The following NRIP3 variants were observed in gnomAD, a reference collection of about 807,000 sequenced individuals.
NRIP3 encodes the protein nuclear receptor-interacting protein 3.
A neutral mutation model predicts 29.0 loss-of-function variants in NRIP3; 31 were observed. That is an observed-to-expected ratio of 1.07 (90% CI 0.80 to 1.44). The LOEUF (loss-of-function observed/expected upper bound fraction) is 1.44. NRIP3 is among the 40% of genes most tolerant of loss of function. The pLI is 0.00. For synonymous variants in NRIP3, 131 were observed against 118.3 expected, an observed-to-expected ratio of 1.11 and a Z score of -0.70; for missense variants, 314 against 297.9, an observed-to-expected ratio of 1.05 and a Z score of -0.40.
At chr11:8,998,114 C>G (rs1854739736) in intron 1 of NRIP3, among the ~76,000 whole-genome samples, 1 of 152,162 alleles carries the variant, frequency 6.6e-6, no homozygotes, top group Admixed American at 6.5e-5. Flanking sequence ...ACTCCTGAGT[C>G]AAGCCCAGTA....
chr11:8,989,534 G>C (rs894650388), intron 1 of NRIP3, among the ~76,000 whole-genome samples: 2 of 152,206 alleles, frequency 1.3e-5, no homozygotes, highest in African/African-American at 4.8e-5. Flanking sequence ...TGCAGTCACA[G>C]CCATGACTCA....
At position 8,983,263 on chromosome 11, in the gene NRIP3, A is replaced by G; in HGVS notation, c.*282T>C. 1.9e-6 allele frequency: 1 copy of G among 523,728 alleles called. No homozygotes were observed. The allele number at this position is 523,728 out of a possible 1,614,324, so 32.4% of individuals were successfully genotyped here. ...TGACTAATAAAAGCAAATTCCTGGAAGAAGCAGAGAAATAGGCCACAAGTG... is the reference window on the plus strand; with the variant it reads ...TGACTAATAAAAGCAAATTCCTGGAGGAAGCAGAGAAATAGGCCACAAGTG... On this transcript the variant is annotated 3_prime_UTR_variant, in exon 7 of 7. Transcript: ENST00000309166.
chr11:8,982,674 A>C lies in NRIP3; in HGVS notation c.*871T>G, dbSNP rs1050843874. The C allele has an allele frequency of 4.6e-6, 1 of 219,492 alleles. No individual in the cohort carries two copies. Among genetic ancestry groups the C allele is most frequent in the African/African-American group, 2.4e-5 (1 of 42,542 alleles). The allele number at this position is 219,492 out of a possible 1,614,324, so 13.6% of individuals were successfully genotyped here. A position where few individuals can be genotyped will look rare whatever the true frequency, so the allele number is the denominator to read the frequency against. On this transcript the variant is annotated 3_prime_UTR_variant, in exon 7 of 7. Coordinates refer to ENST00000309166, the MANE Select transcript of NRIP3 (RefSeq NM_020645.3). ...GAGGTTCACAGTGAGAAACCATTTC[A>C]TTCATCTTTGTACGCTCGTTTTTAG...
At chr11:8,987,762 C>T (rs1190617448) in intron 2 of NRIP3, 132 bp from the exon 3 acceptor site, 7 of 716,738 alleles carry the variant, frequency 9.8e-6, no homozygotes, top group Middle Eastern at 7.4e-4. Context: ...GTTATAGTGT[C>T]CCATCTTTAC....
At chr11:8,992,152 C>A (rs1854613360) in intron 1 of NRIP3, among the ~76,000 whole-genome samples, 1 of 152,158 alleles carries the variant, frequency 6.6e-6, no homozygotes, top group African/African-American at 2.4e-5. Flanking sequence ...AATTAAAAGG[C>A]TGAGGAGTTA....
At chr11:8,989,644 G>C (rs1410403700) in intron 1 of NRIP3, among the ~76,000 whole-genome samples, 1 of 152,192 alleles carries the variant, frequency 6.6e-6, no homozygotes, top group Non-Finnish European at 1.5e-5. Context: ...GGAGGGAGAG[G>C]CACTTGTAAA....
chr11:8,986,373 G>A (rs1854523371), intron 3 of NRIP3, among the ~76,000 whole-genome samples: 1 of 152,168 alleles, frequency 6.6e-6, no homozygotes, highest in African/African-American at 2.4e-5. Context: ...ATATCAGCAA[G>A]GAATATCATG....
At chr11:8,988,082 CA>C in intron 2 of NRIP3, 35 bp downstream of exon 2, 7 of 1,607,294 alleles carry the variant, frequency 4.4e-6, no homozygotes, top group Non-Finnish European at 6.0e-6. Flanking sequence ...TCCTACTTTC[CA>C]GAAAACCCTG....
rs1028784260 is a variant in NRIP3 at position 8,983,764 on chromosome 11, T to C, written c.710+111A>G. On this transcript the variant is annotated intron_variant, in intron 6 of 6. Coordinates refer to ENST00000309166, the MANE Select transcript of NRIP3 (RefSeq NM_020645.3). ...GGGAAGGGTGGATTTGTAGTATAAT[T>C]GAAAGCCAAAGACAGGATACAACCC... 5.9e-6 allele frequency: 6 copies of C among 1,019,956 alleles called. No individual in the cohort carries two copies. The African/African-American group carries it at 7.9e-5, about 13-fold the overall frequency. 63.2% of individuals were successfully genotyped at this position (1,019,956 alleles called of 1,614,324 possible).
At chr11:8,984,295 T>G (rs1033346298) in intron 4 of NRIP3, among the ~76,000 whole-genome samples, 171 bp from the exon 5 acceptor site, 1 of 151,914 alleles carries the variant, frequency 6.6e-6, no homozygotes, top group African/African-American at 2.4e-5. Flanking sequence ...GGAGTTTCGC[T>G]CTTGTTGCCC....
rs79706780 is a variant in NRIP3, at chr11:8,981,636, G to A, written c.*1909C>T. 3.9e-3 allele frequency: 601 copies of A among 152,392 alleles called. 4 individuals carry two copies. The East Asian group carries it at 0.044, about 11-fold the overall frequency. The allele number at this position is 152,392 out of a possible 1,614,324, so 9.4% of individuals were successfully genotyped here. A position where few individuals can be genotyped will look rare whatever the true frequency, so the allele number is the denominator to read the frequency against. ...GCCAAAGTATTGCCATGAAAGGTAG[G>A]GAAGGAGCATGGAGAGGCCTCAGTG... On this transcript the variant is annotated 3_prime_UTR_variant, in exon 7 of 7. Transcript: ENST00000309166.
intron 3 of NRIP3, among the ~76,000 whole-genome samples, chr11:8,986,343 T>A (rs1854522859): frequency 1.3e-5 from 2 of 152,230 alleles, no homozygotes; most frequent in Admixed American, 1.3e-4. Flanking sequence ...AGTACTTATT[T>A]GGTAAGTGCA....
rs759725035 is a variant in NRIP3 at position 8,982,692 on chromosome 11, G to A, written c.*853C>T. ...CCATTTCATTCATCTTTGTACGCTCGTTTTTAGGCACCAAGATGAGGGCCT... is the reference window on the plus strand; with the variant it reads ...CCATTTCATTCATCTTTGTACGCTCATTTTTAGGCACCAAGATGAGGGCCT... On this transcript the variant is annotated 3_prime_UTR_variant, in exon 7 of 7. Transcript: ENST00000309166. 1.7e-5 allele frequency: 4 copies of A among 232,714 alleles called. No homozygotes were observed. The highest frequency in any genetic ancestry group is 5.4e-5 in the Admixed American group (1 of 18,382). 14.4% of individuals were successfully genotyped at this position (232,714 alleles called of 1,614,324 possible). A position where few individuals can be genotyped will look rare whatever the true frequency, so the allele number is the denominator to read the frequency against.
rs571153522 is a variant in NRIP3 at position 8,982,328 on chromosome 11, T to C, written c.*1217A>G. 1 of 152,594 alleles carries C rather than the reference T, an allele frequency of 6.6e-6. No homozygotes were observed. Among genetic ancestry groups the C allele is most frequent in the East Asian group, 1.9e-4 (1 of 5,192 alleles). 9.5% of individuals were successfully genotyped at this position (152,594 alleles called of 1,614,324 possible). On this transcript the variant is annotated 3_prime_UTR_variant, in exon 7 of 7. Coordinates refer to ENST00000309166, the MANE Select transcript of NRIP3 (RefSeq NM_020645.3). ...CTCTTTCCTTGTATCAGGACAGAACTGAACATCTCAATTCCCTGCCTGAAA... is the reference window on the plus strand; with the variant it reads ...CTCTTTCCTTGTATCAGGACAGAACCGAACATCTCAATTCCCTGCCTGAAA...
In NRIP3 at chr11:8,982,297, C is replaced by T. The variant is rs1179388060; in HGVS notation, c.*1248G>A. The T allele has an allele frequency of 2.0e-5, 3 of 152,272 alleles. No individual in the cohort carries two copies. The highest frequency in any genetic ancestry group is 7.2e-5 in the African/African-American group (3 of 41,456). 9.4% of individuals were successfully genotyped at this position (152,272 alleles called of 1,614,324 possible). A position where few individuals can be genotyped will look rare whatever the true frequency, so the allele number is the denominator to read the frequency against. ...TTGTCCTTAACATTGCCGGCTCCTG[C>T]TCTGCCTCTTTCCTTGTATCAGGAC... On this transcript the variant is annotated 3_prime_UTR_variant, in exon 7 of 7. Transcript: ENST00000309166.
chr11:8,991,045 T>C (rs906173856), intron 1 of NRIP3, among the ~76,000 whole-genome samples: 3 of 152,194 alleles, frequency 2.0e-5, no homozygotes, highest in African/African-American at 7.2e-5. Context: ...CTCACACCTG[T>C]AATCCCAGCA....
chr11:8,988,099 G>C lies in NRIP3; in HGVS notation c.339+19C>G. On this transcript the variant is annotated intron_variant, in intron 2 of 6. Transcript: ENST00000309166. The stretch of plus-strand genomic sequence containing the variant: ...CTACTTTCCAGAAAACCCTGGAAAA[G>C]CTGTTCTCAGAACATTACCTGGCAA... 6.2e-7 allele frequency: 1 copy of C among 1,611,870 alleles called. No homozygotes were observed. Among genetic ancestry groups the C allele is most frequent in the Non-Finnish European group, 8.5e-7 (1 of 1,178,442 alleles).
At chr11:8,996,439 C>T (rs1326559859) in intron 1 of NRIP3, among the ~76,000 whole-genome samples, 3 of 151,956 alleles carry the variant, frequency 2.0e-5, no homozygotes, top group Non-Finnish European at 4.4e-5. Context: ...TAGCAGCACA[C>T]CCAGCTAATT....
rs1382034595 is a variant in NRIP3, at chr11:8,982,454, T to A, written c.*1091A>T. 3 of 154,458 alleles carry A rather than the reference T, an allele frequency of 1.9e-5. No homozygotes were observed. Among genetic ancestry groups the A allele is most frequent in the South Asian group, 2.0e-4 (1 of 4,930 alleles). 9.6% of individuals were successfully genotyped at this position (154,458 alleles called of 1,614,324 possible). A position where few individuals can be genotyped will look rare whatever the true frequency, so the allele number is the denominator to read the frequency against. ...TTCTATTCTGGCCTTGCTCTTTTTTTCCCCCCATCTTTCTCTACTCCTGGT... is the reference window on the plus strand; with the variant it reads ...TTCTATTCTGGCCTTGCTCTTTTTTACCCCCCATCTTTCTCTACTCCTGGT... On this transcript the variant is annotated 3_prime_UTR_variant, in exon 7 of 7. Transcript: ENST00000309166.
Sources: gnomAD v4.1 joint callset for allele counts (sites outside exome capture counted in the v4.1 genomes callset) on GRCh38, gnomAD v4.1.1 for gene constraint, MANE v1.5 for transcripts, NCBI Gene and HGNC (gene_info 2026-07-23, HGNC 2026-07-21) for gene names.